B4GALNT4: variants seen among roughly 807,000 people sequenced by gnomAD.
B4GALNT4 encodes N-acetyl-beta-glucosaminyl-glycoprotein 4-beta-N-acetylgalactosaminyltransferase 1.
Under a neutral mutation model 110.0 loss-of-function variants are expected in B4GALNT4, and 77 were observed. That is an observed-to-expected ratio of 0.70 (90% CI 0.58 to 0.85). B4GALNT4 has a LOEUF of 0.85. Among genes scored for constraint, B4GALNT4 ranks in the 40% least tolerant of loss-of-function variants. The pLI, the probability that B4GALNT4 is intolerant of heterozygous loss-of-function variation, is 0.00. For missense variants in B4GALNT4, 1,575 were observed against 1,506.0 expected, an observed-to-expected ratio of 1.05 and a Z score of -0.76; for synonymous variants, 785 against 655.5, an observed-to-expected ratio of 1.20 and a Z score of -3.02.
In B4GALNT4 at chr11:379,657, G is replaced by T. The variant is rs969948443; in HGVS notation, c.2444G>T (p.Arg815Leu). ...CGCCCCGAGCTCTGCCGGCCACTGC[G>T]CCTGGCCTGGCGCCAGGACGTGATG... Reference protein sequence around the residue: ...DGRPELCRPLRLAWRQDVMVH... With the variant: ...DGRPELCRPLLLAWRQDVMVH... Residue 815 changes from arginine to leucine, a missense_variant, in exon 15 of 20, where the codon CGC becomes CTC. Transcript: ENST00000329962. The T allele has an allele frequency of 1.5e-5, 23 of 1,503,146 alleles. No homozygotes were observed. Among genetic ancestry groups the T allele is most frequent in the Non-Finnish European group, 1.7e-5 (19 of 1,130,166 alleles). The allele number at this position is 1,503,146 out of a possible 1,614,324, so 93.1% of individuals were successfully genotyped here.
chr11:371,825 C>T (rs1448137883), intron 1 of B4GALNT4, among the ~76,000 whole-genome samples: 2 of 152,356 alleles, frequency 1.3e-5, no homozygotes, highest in Middle Eastern at 3.4e-3. Context: ...CTGGCCCACC[C>T]GGCTTTCCTC....
At chr11:377,530 G>C (rs1846784687) in intron 14 of B4GALNT4, among the ~76,000 whole-genome samples, 1 of 152,304 alleles carries the variant, frequency 6.6e-6, no homozygotes, top group Admixed American at 6.5e-5. Flanking sequence ...CCGGGCACTT[G>C]TCCAGCCTCA....
At chr11:377,439 TACCGGCCTGGGGGCTGAGGC>T in intron 14 of B4GALNT4, 112 bp downstream of exon 14, 1 of 1,199,162 alleles carries the variant, frequency 8.3e-7, no homozygotes, top group South Asian at 1.9e-5. Flanking sequence ...CCCAGTGGTG[TACCGGCCTGGGGGCTGAGGC>T]ACCGCGCCCC....
At chr11:371,576 C>T (rs1048156495) in intron 1 of B4GALNT4, among the ~76,000 whole-genome samples, 1 of 152,256 alleles carries the variant, frequency 6.6e-6, no homozygotes, top group South Asian at 2.1e-4. Flanking sequence ...CATGCCTGGG[C>T]GTCAGCATCC....
At chr11:376,037 G>T (rs769093215) in intron 11 of B4GALNT4, 37 bp from the exon 12 acceptor site, 19 of 1,603,078 alleles carry the variant, frequency 1.2e-5, no homozygotes, top group Non-Finnish European at 1.5e-5. Flanking sequence ...GCCCCGGGAG[G>T]TCCGCGCCCT....
In B4GALNT4 at chr11:376,097, C is replaced by G; in HGVS notation, c.1119C>G (p.Pro373=). 1 of 1,611,424 alleles carries G rather than the reference C, an allele frequency of 6.2e-7. No individual in the cohort carries two copies. Residue 373 remains proline, a synonymous_variant, in exon 12 of 20, where the codon CCC becomes CCG. Transcript: ENST00000329962. ...LQFVYLSFVY[P]NDYTRLTHME... is the part of the protein sequence containing the mutation. The stretch of plus-strand genomic sequence containing the variant: ...AGGTGTACCTGTCCTTCGTTTATCC[C>G]AACGACTACACTCGCCTCACCCACA...
chr11:370,739 C>G (rs1390500759), intron 1 of B4GALNT4, among the ~76,000 whole-genome samples: 1 of 152,160 alleles, frequency 6.6e-6, no homozygotes, highest in Non-Finnish European at 1.5e-5. Context: ...GTGCCATGCC[C>G]AGACCAGGAG....
In B4GALNT4 at chr11:377,076, C is replaced by T. The variant is rs1235322628; in HGVS notation, c.1953C>T (p.Asp651=). The T allele has an allele frequency of 2.8e-6, 4 of 1,445,578 alleles. No individual in the cohort carries two copies. Among genetic ancestry groups the T allele is most frequent in the African/African-American group, 3.0e-5 (2 of 67,304 alleles). 89.5% of individuals were successfully genotyped at this position (1,445,578 alleles called of 1,614,324 possible). ...GCGAAGAGGAGGAGGAAGGGGAGGA[C>T]GATGGGGCCCCGGGCGACGAGGCCG... is the stretch of plus-strand genomic sequence containing the variant. The part of the protein sequence containing the change: ...GEGEEEEEGE[D]DGAPGDEAAS... Residue 651 remains aspartate, a synonymous_variant, in exon 14 of 20, where the codon GAC becomes GAT. Coordinates refer to ENST00000329962, the MANE Select transcript of B4GALNT4 (RefSeq NM_178537.5).
Position 375,535 on chromosome 11 carries a change from C to A in B4GALNT4, c.850+8C>A, listed in dbSNP as rs117222258. 85,308 of 1,609,742 alleles carry A rather than the reference C, an allele frequency of 0.053. 2,602 individuals carry two copies. Among genetic ancestry groups the A allele is most frequent in the South Asian group, 0.066 (6,054 of 91,082 alleles). On this transcript the variant is annotated splice_region_variant and intron_variant, in intron 9 of 19. Transcript: ENST00000329962. ...ACATCTCCCTGTACACAGGTGCGAG[C>A]GGACGCCTCTGGGGATGTGGGGCTC...
intron 8 of B4GALNT4, among the ~76,000 whole-genome samples, 162 bp from the exon 9 acceptor site, chr11:375,299 C>T (rs1296507817): frequency 1.3e-5 from 2 of 151,936 alleles, no homozygotes; most frequent in Non-Finnish European, 2.9e-5. Context: ...AGCTTCCCTG[C>T]TGCCCCTTCT....
chr11:380,403 G>A lies in B4GALNT4; in HGVS notation c.2827G>A (p.Val943Ile), dbSNP rs1215117474. ...GGGCAGGCTGGCCTTCGCGCCCGTG[G>A]TCATGCGCCTGAGCTGCGGGAGCTC... is the stretch of plus-strand genomic sequence containing the variant. ...VEGRLAFAPVVMRLSCGSSPR... is the reference protein window; with the variant it reads ...VEGRLAFAPVIMRLSCGSSPR... The change falls in exon 18 of 20, where the codon GTC becomes ATC. Residue 943 changes from valine (V) to isoleucine (I), a missense_variant. Transcript: ENST00000329962. 6.2e-7 allele frequency: 1 copy of A among 1,612,230 alleles called. No individual in the cohort carries two copies. Among genetic ancestry groups the A allele is most frequent in the African/African-American group, 1.3e-5 (1 of 74,866 alleles).
In B4GALNT4 at chr11:380,217, T is replaced by TG. The variant is rs1213152400; in HGVS notation, c.2715+20dup. 1 of 1,604,730 alleles carries TG rather than the reference T, an allele frequency of 6.2e-7. No individual in the cohort carries two copies. The highest frequency in any genetic ancestry group is 8.5e-7 in the Non-Finnish European group (1 of 1,174,114). ...ACGCGGTAGAGGTCCGAGGGCCCCA[T>TG]GGGGGTCGGGGAGCAAAACGGGGCG... On this transcript the variant is annotated intron_variant, in intron 17 of 19. Transcript: ENST00000329962.
At position 373,711 on chromosome 11, in the gene B4GALNT4, T is replaced by A; in HGVS notation, c.705-39T>A. On this transcript the variant is annotated intron_variant, in intron 7 of 19. Coordinates refer to ENST00000329962, the MANE Select transcript of B4GALNT4 (RefSeq NM_178537.5). ...CTTCCCTGCCTCCACTATTTGAGCG[T>A]CCTGTGCATGGCACGACCCTTGCTC... 10 of 1,603,728 alleles carry A rather than the reference T, an allele frequency of 6.2e-6. No homozygotes were observed. The East Asian group carries it at 2.2e-4, about 36-fold the overall frequency.
chr11:374,162 G>A (rs987187685), intron 8 of B4GALNT4, among the ~76,000 whole-genome samples: 1 of 152,122 alleles, frequency 6.6e-6, no homozygotes, highest in Admixed American at 6.5e-5. Context: ...GAGACTAGGA[G>A]GGGTCTGGTG....
In B4GALNT4 at chr11:373,129, G is replaced by A; in HGVS notation, c.535+13G>A. ...CCGGCGAGGGACGGTACGGGGGTGAGGGTGCCCCGGGGGAGGGGTGCCGTG... is the reference window on the plus strand; with the variant it reads ...CCGGCGAGGGACGGTACGGGGGTGAAGGTGCCCCGGGGGAGGGGTGCCGTG... On this transcript the variant is annotated intron_variant, in intron 5 of 19. Coordinates refer to ENST00000329962, the MANE Select transcript of B4GALNT4 (RefSeq NM_178537.5). 6.2e-7 allele frequency: 1 copy of A among 1,612,566 alleles called. No homozygotes were observed. The highest frequency in any genetic ancestry group is 8.5e-7 in the Non-Finnish European group (1 of 1,179,856).
chr11:373,245 T>C lies in B4GALNT4; in HGVS notation c.590T>C (p.Leu197Pro), dbSNP rs374322880. Residue 197 changes from leucine to proline, a missense_variant, in exon 6 of 20, where the codon CTG (leucine) becomes CCG (proline). Transcript: ENST00000329962. The stretch of plus-strand genomic sequence containing the variant: ...GACAACTCGGAGTTCTGGCTGAGTC[T>C]GGACGAGAGCCCTGCTGCTGCCCAG... ...SDDNSEFWLS[L>P]DESPAAAQLV... 3.7e-6 allele frequency: 6 copies of C among 1,612,040 alleles called. No individual in the cohort carries two copies. Among genetic ancestry groups the C allele is most frequent in the Non-Finnish European group, 5.1e-6 (6 of 1,179,522 alleles).
In B4GALNT4 at chr11:375,481, C is replaced by T; in HGVS notation, c.804C>T (p.Gly268=). 1.1e-5 allele frequency: 17 copies of T among 1,611,902 alleles called. No homozygotes were observed. The highest frequency in any genetic ancestry group is 1.4e-5 in the Non-Finnish European group (17 of 1,179,776). ...VEVGWRAFLP[G]LKFEVISSAH... Reference sequence around the variant, plus strand: ...CGCAGTGGCGAGCTTTCCTGCCCGGCCTGAAGTTCGAGGTCATCAGCTCTG... The same window carrying T: ...CGCAGTGGCGAGCTTTCCTGCCCGGTCTGAAGTTCGAGGTCATCAGCTCTG... The change falls in exon 9 of 20, where the codon GGC becomes GGT. Residue 268 remains glycine (G), a synonymous_variant. Transcript: ENST00000329962.
intron 7 of B4GALNT4, 40 bp from the exon 8 acceptor site, chr11:373,710 G>A (rs781331441): frequency 4.4e-5 from 71 of 1,602,010 alleles, no homozygotes; most frequent in East Asian, 2.5e-4. Flanking sequence ...CTATTTGAGC[G>A]TCCTGTGCAT....
At position 375,468 on chromosome 11, in the gene B4GALNT4, C is replaced by T; in HGVS notation, c.791C>T (p.Ala264Val). Residue 264 changes from alanine to valine, a missense_variant, in exon 9 of 20, where the codon GCT becomes GTT. Physicochemically the swap from Ala to Val is moderately conservative, Grantham distance 64. Coordinates refer to ENST00000329962, the MANE Select transcript of B4GALNT4 (RefSeq NM_178537.5). ...GSDHVEVGWRAFLPGLKFEVI... is the reference protein window; with the variant it reads ...GSDHVEVGWRVFLPGLKFEVI... ...ACCCTCTCTGCCCCGCAGTGGCGAGCTTTCCTGCCCGGCCTGAAGTTCGAG... is the reference window on the plus strand; with the variant it reads ...ACCCTCTCTGCCCCGCAGTGGCGAGTTTTCCTGCCCGGCCTGAAGTTCGAG... The T allele has an allele frequency of 6.2e-7, 1 of 1,611,858 alleles. No individual in the cohort carries two copies.
Sources: gnomAD v4.1 joint callset for allele counts (sites outside exome capture counted in the v4.1 genomes callset) on GRCh38, gnomAD v4.1.1 for gene constraint, MANE v1.5 for transcripts, NCBI Gene and HGNC (gene_info 2026-07-23, HGNC 2026-07-21) for gene names.